ID4: variants seen among roughly 807,000 people sequenced by gnomAD.
ID4 encodes the protein inhibitor of DNA binding 4.
ID4 carries 9 observed loss-of-function variants against 8.6 expected under a neutral mutation model. That is an observed-to-expected ratio of 1.04 (90% CI 0.63 to 1.82). ID4 has a LOEUF of 1.82. ID4 is among the 40% of genes most tolerant of loss of function. The pLI, the probability that ID4 is intolerant of heterozygous loss-of-function variation, is 0.00. For missense variants in ID4, 270 were observed against 235.1 expected (o/e 1.15, Z -0.97); for synonymous variants, 180 against 118.0 (o/e 1.53, Z -3.41).
chr6:19,838,642 G>A lies in ID4; in HGVS notation c.*14G>A. ...CTGTGCCGCTGAGCCGCGCTGTCCA[G>A]GTGAGCGCGCATTTCCCGTCTCGGG... is the stretch of plus-strand genomic sequence containing the variant. On this transcript the variant is annotated splice_region_variant and 3_prime_UTR_variant, in exon 2 of 3. Transcript: ENST00000378700. The A allele has an allele frequency of 6.2e-6, 10 of 1,613,560 alleles. No individual in the cohort carries two copies. The highest frequency in any genetic ancestry group is 8.5e-6 in the Non-Finnish European group (10 of 1,179,674).
At position 19,842,015 on chromosome 6, in the gene ID4, A is replaced by G. The variant is rs145473887; in HGVS notation, c.*2820A>G. On this transcript the variant is annotated 3_prime_UTR_variant, in exon 3 of 3. Coordinates refer to ENST00000378700, the MANE Select transcript of ID4 (RefSeq NM_001546.4). ...AAATCCTGACATCTCAGACATCTCA[A>G]TGTTAAAGGAAGAAAAAAAATACCT... 3.3e-5 allele frequency among the ~76,000 whole-genome samples: 5 copies of G among 152,308 alleles called. No individual in the cohort carries two copies. Among genetic ancestry groups the G allele is most frequent in the African/African-American group, 7.2e-5 (3 of 41,568 alleles).
In ID4 at chr6:19,837,953, G is replaced by A; in HGVS notation, c.199G>A (p.Asp67Asn). 3 of 1,550,986 alleles carry A rather than the reference G, an allele frequency of 1.9e-6. No individual in the cohort carries two copies. Among genetic ancestry groups the A allele is most frequent in the Non-Finnish European group, 2.6e-6 (3 of 1,149,188 alleles). Residue 67 changes from aspartate (D) to asparagine (N), a missense_variant, in exon 1 of 3, where the codon GAT (aspartate) becomes AAT (asparagine). Asp to Asn is a conservative substitution (Grantham distance 23). Around this residue, in one of 3 missense-constraint regions of ID4, gnomAD observed 160 missense variants for 131.5 expected, o/e 1.22. Transcript: ENST00000378700. ...CGAGCCGGCGCTGTGCCTGCAGTGC[G>A]ATATGAACGACTGCTATAGCCGCCT... Reference protein sequence around the residue: ...ADEPALCLQCDMNDCYSRLRR... With the variant: ...ADEPALCLQCNMNDCYSRLRR...
At position 19,838,605 on chromosome 6, in the gene ID4, G is replaced by A. The variant is rs762156656; in HGVS notation, c.463G>A (p.Gly155Ser). The change falls in exon 2 of 3, where the codon GGC becomes AGC. Residue 155 changes from glycine to serine, a missense_variant. Gly to Ser is a moderately conservative substitution (Grantham distance 56, BLOSUM62 0). Around this residue, in one of 3 missense-constraint regions of ID4, gnomAD observed 107 missense variants for 81.0 expected, o/e 1.32. Coordinates refer to ENST00000378700, the MANE Select transcript of ID4 (RefSeq NM_001546.4). ...CCAGGCCGGCGCGGTGAACAAGCAG[G>A]GCGACAGCATTCTGTGCCGCTGAGC... ...TDPAGAVNKQ[G>S]DSILCR The A allele has an allele frequency of 4.3e-6, 7 of 1,614,014 alleles. No individual in the cohort carries two copies. Among genetic ancestry groups the A allele is most frequent in the Admixed American group, 1.7e-5 (1 of 60,028 alleles).
In ID4 at chr6:19,841,217, A is replaced by T. The variant is rs552358363; in HGVS notation, c.*2022A>T. On this transcript the variant is annotated 3_prime_UTR_variant, in exon 3 of 3. Coordinates refer to ENST00000378700, the MANE Select transcript of ID4 (RefSeq NM_001546.4). ...TTTTGAGAATTTGATGTTGAACGTT[A>T]TAAAGTCAAAGAACTGCTTGTTTAG... 6.6e-6 allele frequency among the ~76,000 whole-genome samples: 1 copy of T among 152,320 alleles called. No homozygotes were observed. Among genetic ancestry groups the T allele is most frequent in the African/African-American group, 2.4e-5 (1 of 41,578 alleles).
Position 19,837,619 on chromosome 6 carries a change from G to A in ID4, c.-136G>A, listed in dbSNP as rs533209013. The A allele has an allele frequency of 1.6e-5, 7 of 437,680 alleles. No homozygotes were observed. The highest frequency in any genetic ancestry group is 1.2e-4 in the Admixed American group (2 of 17,330). The allele number at this position is 437,680 out of a possible 1,614,324, so 27.1% of individuals were successfully genotyped here. On this transcript the variant is annotated 5_prime_UTR_variant, in exon 1 of 3. Transcript: ENST00000378700. ...ACCCTCCCGTCAATTGTTGGGCTCG[G>A]GAGTGTCGCGGTGCCCCGAGCGCGC...
chr6:19,837,593 G>A lies in ID4; in HGVS notation c.-162G>A, dbSNP rs987987904. 1.3e-5 allele frequency: 4 copies of A among 315,848 alleles called. No homozygotes were observed. The highest frequency in any genetic ancestry group is 5.8e-5 in the Admixed American group (1 of 17,212). The allele number at this position is 315,848 out of a possible 1,614,324, so 19.6% of individuals were successfully genotyped here. A position where few individuals can be genotyped will look rare whatever the true frequency, so the allele number is the denominator to read the frequency against. On this transcript the variant is annotated 5_prime_UTR_variant, in exon 1 of 3. Coordinates refer to ENST00000378700, the MANE Select transcript of ID4 (RefSeq NM_001546.4). ...AAGATTCCCTCGTAAAACCCAGAGC[G>A]ACCCTCCCGTCAATTGTTGGGCTCG... is the stretch of plus-strand genomic sequence containing the variant.
rs1761347963 is a variant in ID4, at chr6:19,840,884, TG to T, written c.*1692del. ...GTGAAAGAATTAAGTAGGATTTAAT[TG>T]GGTGCTTTGTAAATAGTCAACTGTG... On this transcript the variant is annotated 3_prime_UTR_variant, in exon 3 of 3. Coordinates refer to ENST00000378700, the MANE Select transcript of ID4 (RefSeq NM_001546.4). 6.6e-6 allele frequency among the ~76,000 whole-genome samples: 1 copy of T among 152,172 alleles called. No homozygotes were observed. The highest frequency in any genetic ancestry group is 2.1e-4 in the South Asian group (1 of 4,826).
At chr6:19,838,278 C>T (rs895006063) in intron 1 of ID4, 83 bp downstream of exon 1, 8 of 1,231,048 alleles carry the variant, frequency 6.5e-6, no homozygotes, top group Admixed American at 4.2e-5. Context: ...GGGCGCTCAC[C>T]GTCCTCCGGG....
At position 19,838,163 on chromosome 6, in the gene ID4, C is replaced by G. The variant is rs372617552; in HGVS notation, c.409C>G (p.Arg137Gly). The change falls in exon 1 of 3, where the codon CGG becomes GGG. Residue 137 changes from arginine (R) to glycine (G), a missense_variant. Around this residue, in one of 3 missense-constraint regions of ID4, gnomAD observed 107 missense variants for 81.0 expected, o/e 1.32. Transcript: ENST00000378700. Reference sequence around the variant, plus strand: ...CGGGACCTGTCCAGCCGCGCCGCCGCGGACCCCGCTCACTGCGCTCAACAC... The same window carrying G: ...CGGGACCTGTCCAGCCGCGCCGCCGGGGACCCCGCTCACTGCGCTCAACAC... ...PAGTCPAAPP[R>G]TPLTALNTDP... 1 of 1,508,832 alleles carries G rather than the reference C, an allele frequency of 6.6e-7. No individual in the cohort carries two copies. The highest frequency in any genetic ancestry group is 8.9e-7 in the Non-Finnish European group (1 of 1,128,050). The allele number at this position is 1,508,832 out of a possible 1,614,324, so 93.5% of individuals were successfully genotyped here. A position where few individuals can be genotyped will look rare whatever the true frequency, so the allele number is the denominator to read the frequency against.
chr6:19,839,432 T>C lies in ID4; in HGVS notation c.*237T>C, dbSNP rs1243698249. ...TACGTATTCTCTTTTGTCTCTTCAT[T>C]TATAACTGCTGTGAATTGTACATTT... On this transcript the variant is annotated 3_prime_UTR_variant, in exon 3 of 3. Transcript: ENST00000378700. 6.6e-6 allele frequency: 1 copy of C among 152,666 alleles called. No homozygotes were observed. Among genetic ancestry groups the C allele is most frequent in the Non-Finnish European group, 1.5e-5 (1 of 68,040 alleles). The allele number at this position is 152,666 out of a possible 1,614,324, so 9.5% of individuals were successfully genotyped here.
At chr6:19,838,720 C>T in intron 2 of ID4, 78 bp downstream of exon 2, 2 of 1,321,910 alleles carry the variant, frequency 1.5e-6, no homozygotes, top group South Asian at 1.3e-5. Flanking sequence ...CCAGGCACCG[C>T]GGTGTTCTTT....
Position 19,838,456 on chromosome 6 carries a change from C to T in ID4, c.442-128C>T, listed in dbSNP as rs929783651. Reference sequence around the variant, plus strand: ...AAGTCCCGCCTGAGCCCGGAGGGGCCCCCCCGGCTACAGGCTGGGGTGGGG... The same window carrying T: ...AAGTCCCGCCTGAGCCCGGAGGGGCTCCCCCGGCTACAGGCTGGGGTGGGG... On this transcript the variant is annotated intron_variant, in intron 1 of 2. Coordinates refer to ENST00000378700, the MANE Select transcript of ID4 (RefSeq NM_001546.4). The T allele has an allele frequency of 5.6e-5, 73 of 1,303,238 alleles. No homozygotes were observed. In the East Asian group the frequency reaches 1.7e-3, roughly 30 times the overall value. 80.7% of individuals were successfully genotyped at this position (1,303,238 alleles called of 1,614,324 possible). A position where few individuals can be genotyped will look rare whatever the true frequency, so the allele number is the denominator to read the frequency against.
rs901079522 is a variant in ID4, at chr6:19,841,314, T to C, written c.*2119T>C. On this transcript the variant is annotated 3_prime_UTR_variant, in exon 3 of 3. Coordinates refer to ENST00000378700, the MANE Select transcript of ID4 (RefSeq NM_001546.4). The stretch of plus-strand genomic sequence containing the variant: ...CAAGAAGAAAACACTAGAGTGCTGC[T>C]GGAATTCCAAATCTGAAGAATTCTA... Among the ~76,000 whole-genome samples, 1 of 152,224 alleles carries C rather than the reference T, an allele frequency of 6.6e-6. No homozygotes were observed. Among genetic ancestry groups the C allele is most frequent in the Non-Finnish European group, 1.5e-5 (1 of 68,020 alleles).
intron 1 of ID4, 72 bp from the exon 2 acceptor site, chr6:19,838,512 C>A: frequency 6.3e-7 from 1 of 1,591,436 alleles, no homozygotes; most frequent in Non-Finnish European, 8.6e-7. Flanking sequence ...TTTCCGAGGA[C>A]AATCCAGGAC....
rs1311059465 is a variant in ID4 at position 19,839,911 on chromosome 6, TGAA to T, written c.*717_*719del. On this transcript the variant is annotated 3_prime_UTR_variant, in exon 3 of 3. Coordinates refer to ENST00000378700, the MANE Select transcript of ID4 (RefSeq NM_001546.4). ...CTCAATTACAGAGCTCTTGATATCT[TGAA>T]TGTCTTTTCTGTTTGGCCTGGCTCT... The T allele has an allele frequency of 6.6e-6, 1 of 152,252 alleles. No homozygotes were observed. Among genetic ancestry groups the T allele is most frequent in the Non-Finnish European group, 1.5e-5 (1 of 68,026 alleles). The allele number at this position is 152,252 out of a possible 1,614,324, so 9.4% of individuals were successfully genotyped here.
rs144274741 is a variant in ID4, at chr6:19,840,987, C to T, written c.*1792C>T. On this transcript the variant is annotated 3_prime_UTR_variant, in exon 3 of 3. Transcript: ENST00000378700. The stretch of plus-strand genomic sequence containing the variant: ...ATACAAGAATAAAAGTATTATAGAC[C>T]CAAGGGACTTCTTATGAGGTCAAAT... Among the ~76,000 whole-genome samples, 1 of 151,844 alleles carries T rather than the reference C, an allele frequency of 6.6e-6. No individual in the cohort carries two copies. Among genetic ancestry groups the T allele is most frequent in the South Asian group, 2.1e-4 (1 of 4,804 alleles).
chr6:19,837,911 G>T lies in ID4; in HGVS notation c.157G>T (p.Ala53Ser). ...GGCGGCGGCAGCGCGCTGTAAGGCG[G>T]CCGAGGCGGCGGCCGACGAGCCGGC... ...AAAAAARCKA[A>S]EAAADEPALC... The change falls in exon 1 of 3, where the codon GCC becomes TCC. Residue 53 changes from alanine to serine, a missense_variant. Coordinates refer to ENST00000378700, the MANE Select transcript of ID4 (RefSeq NM_001546.4). The T allele has an allele frequency of 7.1e-7, 1 of 1,418,008 alleles. No homozygotes were observed. The highest frequency in any genetic ancestry group is 9.3e-7 in the Non-Finnish European group (1 of 1,076,402). The allele number at this position is 1,418,008 out of a possible 1,614,324, so 87.8% of individuals were successfully genotyped here. A position where few individuals can be genotyped will look rare whatever the true frequency, so the allele number is the denominator to read the frequency against.
chr6:19,838,373 C>T, intron 1 of ID4, among the ~76,000 whole-genome samples, 178 bp downstream of exon 1: 1 of 152,062 alleles, frequency 6.6e-6, no homozygotes, highest in East Asian at 1.9e-4. Flanking sequence ...GCTCGGCGAG[C>T]GCGGGTCCGG....
chr6:19,840,322 C>G lies in ID4; in HGVS notation c.*1127C>G, dbSNP rs1761333686. ...TATTACTCTTCATTTTACACTAAAGCTTAATGTCACTAAGTTTCATGTCTG... is the reference window on the plus strand; with the variant it reads ...TATTACTCTTCATTTTACACTAAAGGTTAATGTCACTAAGTTTCATGTCTG... On this transcript the variant is annotated 3_prime_UTR_variant, in exon 3 of 3. Coordinates refer to ENST00000378700, the MANE Select transcript of ID4 (RefSeq NM_001546.4). 1 of 152,468 alleles carries G rather than the reference C, an allele frequency of 6.6e-6. No homozygotes were observed. Among genetic ancestry groups the G allele is most frequent in the Admixed American group, 6.6e-5 (1 of 15,252 alleles). 9.4% of individuals were successfully genotyped at this position (152,468 alleles called of 1,614,324 possible). A position where few individuals can be genotyped will look rare whatever the true frequency, so the allele number is the denominator to read the frequency against.
Sources: gnomAD v4.1 joint callset for allele counts (sites outside exome capture counted in the v4.1 genomes callset) on GRCh38, gnomAD v4.1.1 for gene constraint, gnomAD v4.1.1 regional missense constraint, MANE v1.5 for transcripts, NCBI Gene and HGNC (gene_info 2026-07-23, HGNC 2026-07-21) for gene names.